The following PPM1A variants were observed in gnomAD, a reference collection of about 807,000 sequenced individuals.
PPM1A encodes protein phosphatase, Mg2+/Mn2+ dependent 1A, also known as protein phosphatase 1A.
A neutral mutation model predicts 35.0 loss-of-function variants in PPM1A; 7 were observed. The ratio of observed to expected loss-of-function variants is 0.20; its 90% CI spans 0.11 to 0.38. The LOEUF is 0.38. PPM1A is among the 10% of genes least tolerant of loss of function. The pLI is 1.00. For missense variants in PPM1A, 239 were observed against 467.8 expected (o/e 0.51, Z 4.51); for synonymous variants, 153 against 167.3 (o/e 0.91, Z 0.66).
intron 2 of PPM1A, 132 bp from the exon 3 acceptor site, chr14:60,285,492 G>C: frequency 1.1e-6 from 1 of 899,144 alleles, no homozygotes; most frequent in Non-Finnish European, 1.7e-6. Flanking sequence ...GTGCACATAT[G>C]TATTTTTTTC....
rs1882013079 is a variant in PPM1A, at chr14:60,249,230, G to C, written c.-468G>C. On this transcript the variant is annotated 5_prime_UTR_variant, in exon 1 of 6. Coordinates refer to ENST00000395076, the MANE Select transcript of PPM1A (RefSeq NM_021003.5). This position sits in a 1 kb window ranked among gnomAD's most constrained non-coding sequence, Gnocchi z 4.5. ...TGCGCGGGGCCGCGCTAGAGGCGGCGGCGGCGGCGGTGGCGGCGCTAGGGA... is the reference window on the plus strand; with the variant it reads ...TGCGCGGGGCCGCGCTAGAGGCGGCCGCGGCGGCGGTGGCGGCGCTAGGGA... 1.0e-6 allele frequency: 1 copy of C among 988,034 alleles called. No individual in the cohort carries two copies. Among genetic ancestry groups the C allele is most frequent in the Non-Finnish European group, 1.2e-6 (1 of 832,210 alleles). 61.2% of individuals were successfully genotyped at this position (988,034 alleles called of 1,614,324 possible).
intron 1 of PPM1A, among the ~76,000 whole-genome samples, chr14:60,271,841 T>C: frequency 6.6e-6 from 1 of 152,192 alleles, no homozygotes; most frequent in East Asian, 1.9e-4. Context: ...TTACTAATGA[T>C]ATTTACCTAG....
chr14:60,287,618 C>T (rs1473251976), intron 3 of PPM1A: 1 of 985,028 alleles, frequency 1.0e-6, no homozygotes, highest in East Asian at 1.1e-4. Flanking sequence ...CCTACTAAAC[C>T]TCATTTTATT....
Position 60,289,656 on chromosome 14 carries a change from C to T in PPM1A, c.953-150C>T, listed in dbSNP as rs552431784. 7.0e-6 allele frequency: 4 copies of T among 574,174 alleles called. No homozygotes were observed. In the Admixed American group the frequency reaches 1.1e-4, roughly 15 times the overall value. The allele number at this position is 574,174 out of a possible 1,614,324, so 35.6% of individuals were successfully genotyped here. On this transcript the variant is annotated intron_variant, in intron 3 of 5. Transcript: ENST00000395076. The surrounding 1 kb of genome is among the most constrained non-coding windows in gnomAD (Gnocchi z 4.1). ...TTTGTCATAAATCTTCAAAGGTCAACCTGATTTTTTTTTTTTTTAAATGAT... is the reference window on the plus strand; with the variant it reads ...TTTGTCATAAATCTTCAAAGGTCAATCTGATTTTTTTTTTTTTTAAATGAT...
intron 1 of PPM1A, among the ~76,000 whole-genome samples, chr14:60,257,327 T>G (rs1883246055): frequency 6.6e-6 from 1 of 152,102 alleles, no homozygotes; most frequent in Non-Finnish European, 1.5e-5. Context: ...TAAAAACAGG[T>G]CTTGTTTCAT....
chr14:60,297,731 G>A lies in PPM1A; in HGVS notation c.*5249G>A, dbSNP rs1381312302. 1 of 151,662 alleles carries A rather than the reference G, an allele frequency of 6.6e-6. No individual in the cohort carries two copies. Among genetic ancestry groups the A allele is most frequent in the Non-Finnish European group, 1.5e-5 (1 of 67,682 alleles). The allele number at this position is 151,662 out of a possible 1,614,324, so 9.4% of individuals were successfully genotyped here. On this transcript the variant is annotated 3_prime_UTR_variant, in exon 6 of 6. Coordinates refer to ENST00000395076, the MANE Select transcript of PPM1A (RefSeq NM_021003.5). ...ACAAAATTAGTTATATCCTAATTAG[G>A]TACAGTGAATGACACAAAATCATTT...
At chr14:60,255,781 C>T (rs2139345240) in intron 1 of PPM1A, among the ~76,000 whole-genome samples, 1 of 152,290 alleles carries the variant, frequency 6.6e-6, no homozygotes, top group East Asian at 1.9e-4. Flanking sequence ...TGAAGTGTGG[C>T]AGTGTTCTTA....
chr14:60,261,710 T>C (rs774813589), intron 1 of PPM1A, among the ~76,000 whole-genome samples: 1 of 152,204 alleles, frequency 6.6e-6, no homozygotes, highest in Non-Finnish European at 1.5e-5. Context: ...TTTAGTTCAC[T>C]TTTTATCCAG....
intron 3 of PPM1A, chr14:60,288,613 A>G (rs1887285522): frequency 3.4e-6 from 3 of 894,048 alleles, no homozygotes; most frequent in East Asian, 1.2e-4. Flanking sequence ...AAGGCAAAAA[A>G]TAATAGATGG....
chr14:60,255,263 C>T (rs1882968762), intron 1 of PPM1A, among the ~76,000 whole-genome samples: 2 of 147,566 alleles, frequency 1.4e-5, no homozygotes, highest in Non-Finnish European at 1.5e-5. Flanking sequence ...GCTCCGCCTC[C>T]CGGGTTCACG....
rs1888085337 is a variant in PPM1A at position 60,296,676 on chromosome 14, A to ATT, written c.*4196_*4197dup. 1 of 348,652 alleles carries ATT rather than the reference A, an allele frequency of 2.9e-6. No individual in the cohort carries two copies. The highest frequency in any genetic ancestry group is 2.1e-5 in the African/African-American group (1 of 47,712). The allele number at this position is 348,652 out of a possible 1,614,324, so 21.6% of individuals were successfully genotyped here. A position where few individuals can be genotyped will look rare whatever the true frequency, so the allele number is the denominator to read the frequency against. ...GGTTTGTATATGTTTTAAATTGTATATTTCCTTGGAATATGCTTGAAATAT... is the reference window on the plus strand; with the variant it reads ...GGTTTGTATATGTTTTAAATTGTATATTTTTCCTTGGAATATGCTTGAAATAT... On this transcript the variant is annotated 3_prime_UTR_variant, in exon 6 of 6. Transcript: ENST00000395076. This position sits in a 1 kb window ranked among gnomAD's most constrained non-coding sequence, Gnocchi z 4.4.
intron 1 of PPM1A, among the ~76,000 whole-genome samples, chr14:60,276,710 T>C (rs915612683): frequency 4.6e-5 from 7 of 152,198 alleles, no homozygotes; most frequent in Non-Finnish European, 1.0e-4. Flanking sequence ...TGAATAACTC[T>C]TGTTACTTTG....
intron 1 of PPM1A, among the ~76,000 whole-genome samples, chr14:60,265,219 C>A (rs1423268103): frequency 6.6e-6 from 1 of 152,182 alleles, no homozygotes; most frequent in Non-Finnish European, 1.5e-5. Context: ...TATTTCTTCT[C>A]ACTGGACACA....
intron 2 of PPM1A, among the ~76,000 whole-genome samples, chr14:60,284,534 C>T (rs1057344605): frequency 7.3e-5 from 11 of 149,730 alleles, no homozygotes; most frequent in African/African-American, 1.5e-4. Context: ...CCCAGCTACG[C>T]GGGAGGCTGA....
At chr14:60,286,913 A>T in intron 3 of PPM1A, 1 of 934,010 alleles carries the variant, frequency 1.1e-6, no homozygotes, top group Non-Finnish European at 1.3e-6. Flanking sequence ...GAATTTTTAT[A>T]TTTTAAATTA....
chr14:60,272,042 ATTT>A (rs562962307), intron 1 of PPM1A, among the ~76,000 whole-genome samples: 1 of 136,836 alleles, frequency 7.3e-6, no homozygotes. Flanking sequence ...AGGTATTTCC[ATTT>A]TTTTTTTTTT....
intron 1 of PPM1A, among the ~76,000 whole-genome samples, chr14:60,267,588 T>G (rs753902779): frequency 2.0e-5 from 3 of 152,118 alleles, no homozygotes; most frequent in Non-Finnish European, 2.9e-5. Context: ...ATTGGAAATT[T>G]TTTTCCTGTA....
At chr14:60,286,605 TA>T in intron 3 of PPM1A, 1 of 985,344 alleles carries the variant, frequency 1.0e-6, no homozygotes. Context: ...TAAAGACCTC[TA>T]ATCGCATGCA....
At chr14:60,270,934 T>C (rs559993959) in intron 1 of PPM1A, among the ~76,000 whole-genome samples, 1 of 152,376 alleles carries the variant, frequency 6.6e-6, no homozygotes, top group East Asian at 1.9e-4. Context: ...CTAATTTCCA[T>C]GGCTGCTATA....
Sources: allele counts gnomAD v4.1 joint callset (sites outside exome capture counted in the v4.1 genomes callset), GRCh38; gene constraint gnomAD v4.1.1; non-coding constraint Gnocchi (gnomAD v3.1); transcripts MANE v1.5; gene names NCBI Gene and HGNC (gene_info 2026-07-23, HGNC 2026-07-21).